The following EPHA6 variants were observed in gnomAD, a reference collection of about 807,000 sequenced individuals.
EPHA6 encodes the protein EPH receptor A6.
A neutral mutation model predicts 112.0 loss-of-function variants in EPHA6; 50 were observed. That is an observed-to-expected ratio of 0.45 (90% CI 0.36 to 0.56). EPHA6 has a LOEUF of 0.56. Ranked by LOEUF, EPHA6 falls within the 20% of genes least tolerant of loss-of-function variation. The probability of loss-of-function intolerance (pLI) is 0.00; values close to 1 mark genes in which losing one functional copy is unlikely to be tolerated. For missense variants in EPHA6, 1,280 were observed against 1,417.4 expected, an observed-to-expected ratio of 0.90 and a Z score of 1.56; for synonymous variants, 529 against 490.7, an observed-to-expected ratio of 1.08 and a Z score of -1.03.
Position 96,948,249 on chromosome 3 carries a change from A to G in EPHA6, c.451-39081A>G, listed in dbSNP as rs921752022. On this transcript the variant is annotated intron_variant, in intron 2 of 17. Transcript: ENST00000389672. ...TTATAGATCAGTTGTTTTCATATAT[A>G]CTTTATTTGCTTCTGTATGTTCTAT... 2.6e-5 allele frequency among the ~76,000 whole-genome samples: 4 copies of G among 152,098 alleles called. No homozygotes were observed. The East Asian group carries it at 7.7e-4, about 29-fold the overall frequency.
chr3:97,341,674 A>C (rs1188919414), intron 5 of EPHA6, among the ~76,000 whole-genome samples: 1 of 152,174 alleles, frequency 6.6e-6, no homozygotes, highest in East Asian at 1.9e-4. Context: ...ACATATAGGA[A>C]ACATTAGATC....
At chr3:97,628,103 A>AAGAG (rs1317616410) in intron 13 of EPHA6, among the ~76,000 whole-genome samples, 5 of 152,012 alleles carry the variant, frequency 3.3e-5, no homozygotes, top group African/African-American at 1.2e-4. Flanking sequence ...CTGTATTAAG[A>AAGAG]AGAGACTACA....
intron 11 of EPHA6, among the ~76,000 whole-genome samples, chr3:97,533,988 G>T (rs976203826): frequency 4.6e-5 from 7 of 152,086 alleles, no homozygotes; most frequent in African/African-American, 1.7e-4. Context: ...CACAAAAGAT[G>T]ATTAAATGGT....
chr3:97,219,770 C>G (rs2078138792), intron 3 of EPHA6, among the ~76,000 whole-genome samples: 1 of 152,182 alleles, frequency 6.6e-6, no homozygotes, highest in Non-Finnish European at 1.5e-5. Flanking sequence ...TATGCAAATT[C>G]CTGCAGCCAG....
chr3:96,985,672 G>A (rs1216068459), intron 2 of EPHA6, among the ~76,000 whole-genome samples: 2 of 152,096 alleles, frequency 1.3e-5, no homozygotes, highest in South Asian at 2.1e-4. Context: ...TCTGGAAAAT[G>A]CCCTCTGGAT....
At chr3:97,478,154 A>T (rs575439687) in intron 8 of EPHA6, among the ~76,000 whole-genome samples, 11 of 152,230 alleles carry the variant, frequency 7.2e-5, no homozygotes, top group Admixed American at 7.2e-4. Context: ...TTTAATAATG[A>T]TTCACTATAT....
intron 4 of EPHA6, among the ~76,000 whole-genome samples, chr3:97,234,553 TGTTA>T (rs1175873591): frequency 1.3e-5 from 2 of 152,162 alleles, no homozygotes; most frequent in African/African-American, 4.8e-5. Flanking sequence ...TTTTTTGTCC[TGTTA>T]TTCATGACAC....
In EPHA6 at chr3:97,649,283, C is replaced by T. The variant is rs946774670; in HGVS notation, c.2784+11201C>T. Among the ~76,000 whole-genome samples the T allele has an allele frequency of 6.6e-5, 10 of 152,164 alleles. 1 individual carries two copies. The South Asian group carries it at 1.7e-3, about 25-fold the overall frequency. ...GGAACTCCCATTTATAAAACCATCA[C>T]ACCTTGTGATGGTCACTACCACGAC... On this transcript the variant is annotated intron_variant, in intron 14 of 17. Transcript: ENST00000389672.
chr3:97,091,076 A>G (rs990039446), intron 3 of EPHA6, among the ~76,000 whole-genome samples: 3 of 152,146 alleles, frequency 2.0e-5, no homozygotes, highest in African/African-American at 7.2e-5. Context: ...TAGTTAAGAT[A>G]TTACTCTTCC....
chr3:97,161,544 G>C (rs2076415450), intron 3 of EPHA6, among the ~76,000 whole-genome samples: 1 of 152,098 alleles, frequency 6.6e-6, no homozygotes, highest in Admixed American at 6.6e-5. Flanking sequence ...TTGGTAAATG[G>C]GTGAGAGTAA....
chr3:97,541,237 A>G (rs3937589), intron 11 of EPHA6, among the ~76,000 whole-genome samples: 42,502 of 152,086 alleles, frequency 0.28, 9,275 homozygotes, highest in African/African-American at 0.6. Context: ...TTGTCAGAAT[A>G]TGTTACCGTG....
intron 10 of EPHA6, among the ~76,000 whole-genome samples, chr3:97,510,304 G>T (rs1320712176): frequency 6.6e-6 from 1 of 152,166 alleles, no homozygotes; most frequent in African/African-American, 2.4e-5. Flanking sequence ...TTTTGTGCTG[G>T]TTTTTCCTCA....
chr3:97,723,714 A>G (rs1232801389), intron 15 of EPHA6, among the ~76,000 whole-genome samples: 1 of 151,380 alleles, frequency 6.6e-6, no homozygotes. Context: ...GTGAAAAAAA[A>G]CCCAAACCTT....
Position 97,504,262 on chromosome 3 carries a change from G to A in EPHA6, c.2200+20203G>A, listed in dbSNP as rs564264216. On this transcript the variant is annotated intron_variant, in intron 10 of 17. Coordinates refer to ENST00000389672, the MANE Select transcript of EPHA6 (RefSeq NM_001080448.3). ...TTTATCTCAGGACCAAGAGAATTAA[G>A]GAGCCTGGACACAAAGGCTAAGGTT... is the stretch of plus-strand genomic sequence containing the variant. Among the ~76,000 whole-genome samples the A allele has an allele frequency of 6.5e-3, 993 of 152,252 alleles. 10 individuals are homozygous for A. The highest frequency in any genetic ancestry group is 0.022 in the African/African-American group (913 of 41,540).
chr3:97,312,946 A>G (rs2081629301), intron 5 of EPHA6, among the ~76,000 whole-genome samples: 1 of 151,438 alleles, frequency 6.6e-6, no homozygotes, highest in Admixed American at 6.6e-5. Flanking sequence ...TATTTTAGCA[A>G]TGTTTACATA....
intron 2 of EPHA6, among the ~76,000 whole-genome samples, chr3:96,942,519 C>A (rs1466314408): frequency 6.6e-6 from 1 of 152,200 alleles, no homozygotes; most frequent in African/African-American, 2.4e-5. Context: ...TCTGTCACCC[C>A]TTTCTTTGAC....
At chr3:96,876,253 T>G (rs1292149246) in intron 2 of EPHA6, among the ~76,000 whole-genome samples, 2 of 151,574 alleles carry the variant, frequency 1.3e-5, no homozygotes, top group African/African-American at 4.8e-5. Context: ...TTTTATAAAT[T>G]TAATTATTTT....
At chr3:96,933,779 T>C (rs1433105979) in intron 2 of EPHA6, among the ~76,000 whole-genome samples, 3 of 152,040 alleles carry the variant, frequency 2.0e-5, no homozygotes, top group Non-Finnish European at 4.4e-5. Flanking sequence ...GTTAAATATG[T>C]GACACAAATA....
At chr3:97,544,657 G>A (rs2092919049) in intron 11 of EPHA6, among the ~76,000 whole-genome samples, 1 of 152,178 alleles carries the variant, frequency 6.6e-6, no homozygotes, top group African/African-American at 2.4e-5. Context: ...AATAGTTTCA[G>A]AAGGAATGGT....
Sources: gnomAD v4.1 joint callset for allele counts (sites outside exome capture counted in the v4.1 genomes callset) on GRCh38, gnomAD v4.1.1 for gene constraint, MANE v1.5 for transcripts, NCBI Gene and HGNC (gene_info 2026-07-23, HGNC 2026-07-21) for gene names.